The following FAM117A variants were observed in gnomAD, a reference collection of about 807,000 sequenced individuals.
FAM117A encodes protein FAM117A.
A neutral mutation model predicts 44.1 loss-of-function variants in FAM117A; 21 were observed. That is an observed-to-expected ratio of 0.48 (90% confidence interval 0.34 to 0.69). The LOEUF (loss-of-function observed/expected upper bound fraction) is 0.69. FAM117A is among the 30% of genes least tolerant of loss of function. The probability of loss-of-function intolerance (pLI) is 0.01; values close to 1 mark genes in which losing one functional copy is unlikely to be tolerated. For synonymous variants in FAM117A, 220 were observed against 238.3 expected, an observed-to-expected ratio of 0.92 and a Z score of 0.71; for missense variants, 498 against 589.9, an observed-to-expected ratio of 0.84 and a Z score of 1.61.
At chr17:49,744,696 G>A (rs146437932) in intron 1 of FAM117A, among the ~76,000 whole-genome samples, 1,905 of 151,340 alleles carry the variant, frequency 0.013, 51 homozygotes, top group African/African-American at 0.043. Context: ...AATAGTTGTC[G>A]TACTGTATTA....
intron 1 of FAM117A, among the ~76,000 whole-genome samples, chr17:49,736,006 C>A (rs2073608698): frequency 6.6e-6 from 1 of 152,030 alleles, no homozygotes; most frequent in Non-Finnish European, 1.5e-5. Context: ...CAGAAAAAAA[C>A]CCTCAACTCT....
At chr17:49,717,437 A>C (rs554930101) in intron 6 of FAM117A, 76 bp downstream of exon 6, 1 of 1,309,112 alleles carries the variant, frequency 7.6e-7, no homozygotes, top group African/African-American at 1.5e-5. Context: ...GCCTGAATTG[A>C]CTAGAGGTGG....
chr17:49,743,621 T>G (rs1408894694), intron 1 of FAM117A, among the ~76,000 whole-genome samples: 1 of 151,784 alleles, frequency 6.6e-6, no homozygotes, highest in African/African-American at 2.4e-5. Context: ...CCCAGCTACT[T>G]GGGAGGCTGA....
intron 1 of FAM117A, among the ~76,000 whole-genome samples, chr17:49,785,962 T>A (rs530975468): frequency 6.6e-6 from 1 of 152,302 alleles, no homozygotes; most frequent in South Asian, 2.1e-4. Context: ...GAAATCAACA[T>A]CAGTTCCTGC....
chr17:49,757,660 G>C (rs2073704178), intron 1 of FAM117A, among the ~76,000 whole-genome samples: 1 of 152,198 alleles, frequency 6.6e-6, no homozygotes, highest in African/African-American at 2.4e-5. Context: ...TGGGGGCACA[G>C]ATAACTTAGA....
intron 1 of FAM117A, among the ~76,000 whole-genome samples, chr17:49,785,378 G>A (rs2073802576): frequency 6.6e-6 from 1 of 152,164 alleles, no homozygotes; most frequent in African/African-American, 2.4e-5. Flanking sequence ...CAGGCATGGT[G>A]GTGTGTACCT....
At chr17:49,748,511 T>G (rs1286635002) in intron 1 of FAM117A, among the ~76,000 whole-genome samples, 3 of 152,164 alleles carry the variant, frequency 2.0e-5, no homozygotes, top group Non-Finnish European at 2.9e-5. Context: ...GTGGGGGCAG[T>G]GTGTATAACT....
chr17:49,765,591 CT>C (rs2073743177), upstream of FAM117A: 1 of 152,188 alleles, frequency 6.6e-6, no homozygotes, highest in African/African-American at 2.4e-5. Flanking sequence ...GAAAGGTTTT[CT>C]TTGCAAAGAG....
chr17:49,764,475 G>A (rs1436099158), upstream of FAM117A, among the ~76,000 whole-genome samples: 1 of 107,744 alleles, frequency 9.3e-6, no homozygotes, highest in East Asian at 1.9e-4. Flanking sequence ...CGTGACGTCA[G>A]GCTGAGCTGG....
chr17:49,742,206 T>C (rs961825002), intron 1 of FAM117A, among the ~76,000 whole-genome samples: 2 of 152,196 alleles, frequency 1.3e-5, no homozygotes, highest in Admixed American at 1.3e-4. Flanking sequence ...ACTGACTCCA[T>C]ATTTAAGTGT....
At chr17:49,738,486 C>T (rs2073619965) in intron 1 of FAM117A, among the ~76,000 whole-genome samples, 1 of 152,138 alleles carries the variant, frequency 6.6e-6, no homozygotes, top group Non-Finnish European at 1.5e-5. Flanking sequence ...AATCTGCAGC[C>T]CCTGACTCCC....
intron 1 of FAM117A, among the ~76,000 whole-genome samples, chr17:49,754,756 C>T (rs1313003190): frequency 3.9e-5 from 6 of 151,924 alleles, no homozygotes; most frequent in Admixed American, 2.0e-4. Context: ...CAGCCGTTTT[C>T]GGCCAGGTGC....
At chr17:49,717,366 T>G in intron 6 of FAM117A, 147 bp downstream of exon 6, 1 of 627,404 alleles carries the variant, frequency 1.6e-6, no homozygotes, top group African/African-American at 1.8e-5. Flanking sequence ...TTATCATTGG[T>G]ATAATGTGCA....
intron 1 of FAM117A, among the ~76,000 whole-genome samples, chr17:49,740,392 GGCGCCCACCACC>G (rs1234212626): frequency 6.6e-6 from 1 of 152,074 alleles, no homozygotes; most frequent in Non-Finnish European, 1.5e-5. Flanking sequence ...TGGGACTACA[GGCGCCCACCACC>G]GCGCCCGGCT....
chr17:49,770,526 A>G (rs1365062335), intron 1 of FAM117A, among the ~76,000 whole-genome samples: 1 of 152,182 alleles, frequency 6.6e-6, no homozygotes, highest in Admixed American at 6.5e-5. Context: ...GCCAATGGAC[A>G]CTTTTTCGAA....
At position 49,711,018 on chromosome 17, in the gene FAM117A, G is replaced by T; in HGVS notation, c.*237C>A. On this transcript the variant is annotated 3_prime_UTR_variant, in exon 8 of 8. Transcript: ENST00000240364. ...TTCCACCAAGTGAGGGATGTGGCAG[G>T]TACACAGGTGTGAATTGTGAGCTGC... The T allele has an allele frequency of 2.2e-6, 1 of 457,238 alleles. No individual in the cohort carries two copies. Among genetic ancestry groups the T allele is most frequent in the South Asian group, 4.0e-5 (1 of 25,054 alleles). 28.3% of individuals were successfully genotyped at this position (457,238 alleles called of 1,614,324 possible).
At chr17:49,773,958 T>G (rs2073768854) in intron 1 of FAM117A, among the ~76,000 whole-genome samples, 2 of 152,192 alleles carry the variant, frequency 1.3e-5, no homozygotes, top group South Asian at 4.1e-4. Flanking sequence ...TTTTCCATGT[T>G]GGTCAGGTTG....
At position 49,752,179 on chromosome 17, in the gene FAM117A, T is replaced by C. The variant is rs533060418; in HGVS notation, c.196+11713A>G. Among the ~76,000 whole-genome samples, 251 of 152,104 alleles carry C rather than the reference T, an allele frequency of 1.7e-3. 2 individuals are homozygous for C. The highest frequency in any genetic ancestry group is 2.6e-3 in the Non-Finnish European group (177 of 67,988). On this transcript the variant is annotated intron_variant, in intron 1 of 7. Transcript: ENST00000240364. ...GGAGGGTTAGATAACCTCCAAGAAGTCAATTATCCGTGATACATAGTCCCT... is the reference window on the plus strand; with the variant it reads ...GGAGGGTTAGATAACCTCCAAGAAGCCAATTATCCGTGATACATAGTCCCT...
At chr17:49,719,597 CTAAT>C in intron 5 of FAM117A, 159 bp downstream of exon 5, 1 of 870,084 alleles carries the variant, frequency 1.1e-6, no homozygotes, top group Non-Finnish European at 1.7e-6. Context: ...CCATTTGAGA[CTAAT>C]AAACTCCATT....
Sources: gnomAD v4.1 joint callset for allele counts (sites outside exome capture counted in the v4.1 genomes callset) on GRCh38, gnomAD v4.1.1 for gene constraint, MANE v1.5 for transcripts, NCBI Gene and HGNC (gene_info 2026-07-23, HGNC 2026-07-21) for gene names.